Variants in ZFHX3 observed in about 807,000 individuals in gnomAD.
The protein encoded by ZFHX3 is zinc finger homeobox 3.
A neutral mutation model predicts 279.1 loss-of-function variants in ZFHX3; 42 were observed. The observed-to-expected ratio is 0.15, with a 90% CI of 0.12 to 0.19. The LOEUF is 0.19. Ranked by LOEUF, ZFHX3 falls within the 10% of genes least tolerant of loss-of-function variation. The pLI, the probability that ZFHX3 is intolerant of heterozygous loss-of-function variation, is 1.00. For missense variants in ZFHX3, 4,981 were observed against 4,754.0 expected (o/e 1.05, Z -1.40); for synonymous variants, 2,293 against 1,957.8 (o/e 1.17, Z -4.52).
intron 5 of ZFHX3, among the ~76,000 whole-genome samples, chr16:73,160,402 T>C (rs925652922): frequency 3.9e-5 from 6 of 152,240 alleles, no homozygotes; most frequent in Admixed American, 3.9e-4. Flanking sequence ...AGCATGTTGA[T>C]GACCTTCTTT....
Position 72,787,242 on chromosome 16 carries a change from C to G in ZFHX3, c.11034G>C (p.Pro3678=), listed in dbSNP as rs749843457. The change falls in exon 10 of 10, where the codon CCG becomes CCC. Residue 3678 remains proline, a synonymous_variant. Transcript: ENST00000268489. Reference sequence around the variant, plus strand: ...AGCTGGGGTCTTTGGGACCCTCCACCGGGCTCGCCGGTCCGTCGGACTTTT... The same window carrying G: ...AGCTGGGGTCTTTGGGACCCTCCACGGGGCTCGCCGGTCCGTCGGACTTTT... ...LSQKSDGPAS[P]VEGPKDPSCP... 1.9e-6 allele frequency: 3 copies of G among 1,614,052 alleles called. No individual in the cohort carries two copies. The East Asian group carries it at 6.7e-5, about 36-fold the overall frequency.
intron 2 of ZFHX3, among the ~76,000 whole-genome samples, chr16:73,673,202 G>T (rs941100552): frequency 1.3e-5 from 2 of 152,130 alleles, no homozygotes; most frequent in Non-Finnish European, 2.9e-5. Flanking sequence ...CCCTCTAAGT[G>T]GGGAGGAGGA....
At chr16:73,612,216 A>T (rs535041024) in intron 2 of ZFHX3, among the ~76,000 whole-genome samples, 48 of 152,012 alleles carry the variant, frequency 3.2e-4, no homozygotes, top group South Asian at 8.3e-4. Flanking sequence ...TTTTTTTTTT[A>T]AAGGGCAATG....
chr16:73,129,955 C>T (rs766134549), intron 7 of ZFHX3, among the ~76,000 whole-genome samples: 6 of 152,086 alleles, frequency 3.9e-5, no homozygotes, highest in East Asian at 3.9e-4. Context: ...ACAGGGAAAG[C>T]GTCTAACCCG....
chr16:73,195,803 G>C (rs1281812964), intron 5 of ZFHX3, among the ~76,000 whole-genome samples: 1 of 152,110 alleles, frequency 6.6e-6, no homozygotes, highest in East Asian at 1.9e-4. Flanking sequence ...AATCAGGAAC[G>C]GCAGGAAGTG....
Position 73,459,957 on chromosome 16 carries a change from T to G in ZFHX3, c.-1546-3699A>C, listed in dbSNP as rs566083045. ...ATGGGGATTACAATTCAAGATGAGA[T>G]TTGGGTGGGGACACAAGGCCTAACC... On this transcript the variant is annotated intron_variant, in intron 2 of 17. Transcript: ENST00000641206. Among the ~76,000 whole-genome samples, 9 of 152,282 alleles carry G rather than the reference T, an allele frequency of 5.9e-5. No homozygotes were observed. In the South Asian group the frequency reaches 1.9e-3, roughly 32 times the overall value.
intron 8 of ZFHX3, among the ~76,000 whole-genome samples, chr16:73,089,944 A>G (rs565761214): frequency 2.3e-4 from 35 of 152,328 alleles, no homozygotes; most frequent in African/African-American, 7.2e-4. Flanking sequence ...CCCAGATCCT[A>G]CACACAATGC....
chr16:73,346,937 A>G (rs1567456760), intron 3 of ZFHX3, among the ~76,000 whole-genome samples: 3 of 152,208 alleles, frequency 2.0e-5, no homozygotes, highest in African/African-American at 4.8e-5. Flanking sequence ...AATGATAATG[A>G]TGATTCCAAT....
chr16:73,104,380 A>G (rs8060269), intron 7 of ZFHX3, among the ~76,000 whole-genome samples: 120,430 of 151,816 alleles, frequency 0.79, 48,482 homozygotes, highest in African/African-American at 0.93. Context: ...ACAGGTGCGC[A>G]CCACCACGTC....
intron 8 of ZFHX3, among the ~76,000 whole-genome samples, chr16:73,070,727 T>C (rs895691981): frequency 6.6e-6 from 1 of 151,576 alleles, no homozygotes; most frequent in African/African-American, 2.4e-5. Flanking sequence ...TCTCTCTCTC[T>C]CTCGCACATG....
chr16:72,894,717 A>G (rs765267333), intron 3 of ZFHX3, among the ~76,000 whole-genome samples: 2 of 152,200 alleles, frequency 1.3e-5, no homozygotes, highest in Admixed American at 6.5e-5. Context: ...TAATATATGA[A>G]GAATCCACCA....
chr16:73,435,586 C>T (rs1232003398), intron 3 of ZFHX3, among the ~76,000 whole-genome samples: 3 of 152,150 alleles, frequency 2.0e-5, no homozygotes, highest in Non-Finnish European at 4.4e-5. Context: ...CACTTCTCTC[C>T]CCTCATTTGT....
At chr16:73,353,580 A>G (rs2016285817) in intron 3 of ZFHX3, among the ~76,000 whole-genome samples, 1 of 152,234 alleles carries the variant, frequency 6.6e-6, no homozygotes, top group Non-Finnish European at 1.5e-5. Flanking sequence ...GAGGTTAAAG[A>G]GCATGGCTGA....
At chr16:73,019,506 C>T (rs1268586818) in intron 1 of ZFHX3, among the ~76,000 whole-genome samples, 1 of 152,178 alleles carries the variant, frequency 6.6e-6, no homozygotes, top group Non-Finnish European at 1.5e-5. Flanking sequence ...CCTGCCTGGA[C>T]CCCTGCAGCC....
chr16:72,965,676 AAAC>A (rs1294397285), intron 1 of ZFHX3, among the ~76,000 whole-genome samples: 1 of 152,226 alleles, frequency 6.6e-6, no homozygotes, highest in Non-Finnish European at 1.5e-5. Flanking sequence ...AAGTAATATA[AAAC>A]AAGAGAAGGG....
At chr16:73,204,787 A>T (rs1450097387) in intron 5 of ZFHX3, among the ~76,000 whole-genome samples, 1 of 152,234 alleles carries the variant, frequency 6.6e-6, no homozygotes, top group African/African-American at 2.4e-5. Context: ...AGCTGTTGCT[A>T]GTTGAACCTT....
chr16:73,126,107 G>C (rs1416291533), intron 7 of ZFHX3, among the ~76,000 whole-genome samples: 1 of 152,140 alleles, frequency 6.6e-6, no homozygotes, highest in Non-Finnish European at 1.5e-5. Flanking sequence ...AGAGAATGGG[G>C]AAAGACAGAG....
At chr16:73,039,072 T>C (rs925540881) in intron 1 of ZFHX3, among the ~76,000 whole-genome samples, 4 of 151,198 alleles carry the variant, frequency 2.6e-5, no homozygotes, top group Non-Finnish European at 5.9e-5. Context: ...CCTCAGCCTC[T>C]TGAGTGGCTG....
At chr16:72,879,487 G>A (rs1006706951) in intron 4 of ZFHX3, among the ~76,000 whole-genome samples, 10 of 152,076 alleles carry the variant, frequency 6.6e-5, no homozygotes, top group Admixed American at 1.3e-4. Flanking sequence ...GTGCAATGGC[G>A]CGGCCTCTGC....
Sources: allele counts gnomAD v4.1 joint callset (sites outside exome capture counted in the v4.1 genomes callset), GRCh38; gene constraint gnomAD v4.1.1; transcripts MANE v1.5; gene names NCBI Gene and HGNC (gene_info 2026-07-23, HGNC 2026-07-21).